OXCT1: variants seen among roughly 807,000 people sequenced by gnomAD.
OXCT1 encodes succinyl-CoA:3-ketoacid coenzyme A transferase 1, mitochondrial.
A neutral mutation model predicts 69.6 loss-of-function variants in OXCT1; 27 were observed. That is an observed-to-expected ratio of 0.39 (90% CI 0.29 to 0.54). The LOEUF (loss-of-function observed/expected upper bound fraction) is 0.54, where lower values mean the gene tolerates loss of function less well. Among genes scored for constraint, OXCT1 ranks in the 20% least tolerant of loss-of-function variants. OXCT1 has a pLI of 0.72. For synonymous variants in OXCT1, 202 were observed against 217.8 expected, an observed-to-expected ratio of 0.93 and a Z score of 0.64; for missense variants, 437 against 650.2, an observed-to-expected ratio of 0.67 and a Z score of 3.57.
At chr5:41,854,621 A>C (rs997209696) in intron 3 of OXCT1, among the ~76,000 whole-genome samples, 1 of 152,262 alleles carries the variant, frequency 6.6e-6, no homozygotes, top group Non-Finnish European at 1.5e-5. Flanking sequence ...TTAATGGTGA[A>C]ATATTTTTAA....
chr5:41,791,810 T>A (rs35252930), intron 13 of OXCT1, among the ~76,000 whole-genome samples: 33,401 of 151,984 alleles, frequency 0.22, 3,803 homozygotes, highest in Middle Eastern at 0.31. Context: ...TTATTTATTT[T>A]TTTTTTTATG....
intron 13 of OXCT1, among the ~76,000 whole-genome samples, chr5:41,778,341 C>T (rs1745225294): frequency 6.6e-6 from 1 of 152,116 alleles, no homozygotes; most frequent in Non-Finnish European, 1.5e-5. Context: ...AAGTTAAAAA[C>T]TCTGCGTTTT....
chr5:41,731,850 A>T, intron 16 of OXCT1, 80 bp from the exon 17 acceptor site: 1 of 1,507,316 alleles, frequency 6.6e-7, no homozygotes. Context: ...CCAAATTTCA[A>T]TCATGTAGGC....
At chr5:41,826,492 G>A (rs565130818) in intron 7 of OXCT1, among the ~76,000 whole-genome samples, 1 of 152,116 alleles carries the variant, frequency 6.6e-6, no homozygotes, top group South Asian at 2.1e-4. Flanking sequence ...AAAACACACT[G>A]GAATGCTCTA....
rs572781691 is a variant in OXCT1 at position 41,736,837 on chromosome 5, T to C, written c.1521+2553A>G. On this transcript the variant is annotated intron_variant, in intron 16 of 16. Coordinates refer to ENST00000196371, the MANE Select transcript of OXCT1 (RefSeq NM_000436.4). ...GAAGGCTGAGTTCTAGGGACTTTTC[T>C]CAAACAGAACTTGAGCAACTAGTGT... Among the ~76,000 whole-genome samples the C allele has an allele frequency of 3.9e-5, 6 of 152,322 alleles. No homozygotes were observed. In the East Asian group the frequency reaches 1.2e-3, roughly 29 times the overall value.
At chr5:41,759,702 C>T (rs1373104919) in intron 14 of OXCT1, among the ~76,000 whole-genome samples, 1 of 152,038 alleles carries the variant, frequency 6.6e-6, no homozygotes, top group Non-Finnish European at 1.5e-5. Flanking sequence ...CACATTTTTA[C>T]AAAGCCAAGC....
chr5:41,732,409 C>T (rs918464019), intron 16 of OXCT1, among the ~76,000 whole-genome samples: 4 of 152,052 alleles, frequency 2.6e-5, no homozygotes, highest in African/African-American at 7.2e-5. Flanking sequence ...TGCTTTCCTG[C>T]GAATCTGCAA....
chr5:41,784,842 A>C (rs1463055307), intron 13 of OXCT1, among the ~76,000 whole-genome samples: 1 of 152,214 alleles, frequency 6.6e-6, no homozygotes, highest in Non-Finnish European at 1.5e-5. Context: ...TTTAAACCTT[A>C]ATCACAGTTT....
At chr5:41,803,533 A>G (rs1472017702) in intron 9 of OXCT1, among the ~76,000 whole-genome samples, 1 of 151,966 alleles carries the variant, frequency 6.6e-6, no homozygotes, top group Admixed American at 6.6e-5. Context: ...ACTATTCAAA[A>G]CTCCTGCCAA....
intron 2 of OXCT1, 76 bp from the exon 3 acceptor site, chr5:41,861,480 T>C: frequency 1.1e-6 from 1 of 894,958 alleles, no homozygotes; most frequent in Non-Finnish European, 1.9e-6. Context: ...TGTTATTCTT[T>C]TTAAAAGGGA....
chr5:41,810,808 C>A (rs960437400), intron 7 of OXCT1, among the ~76,000 whole-genome samples: 1 of 151,876 alleles, frequency 6.6e-6, no homozygotes, highest in African/African-American at 2.4e-5. Flanking sequence ...ATTTTAGTGA[C>A]AACCTCAATC....
chr5:41,823,799 C>T (rs1181009127), intron 7 of OXCT1, among the ~76,000 whole-genome samples: 1 of 152,048 alleles, frequency 6.6e-6, no homozygotes, highest in Non-Finnish European at 1.5e-5. Flanking sequence ...ATACTATCTA[C>T]CTCATTTTCA....
At chr5:41,755,040 A>G (rs1291413622) in intron 14 of OXCT1, among the ~76,000 whole-genome samples, 1 of 151,938 alleles carries the variant, frequency 6.6e-6, no homozygotes, top group Non-Finnish European at 1.5e-5. Context: ...ATGATCTCTA[A>G]CCTCCAGAGG....
At chr5:41,806,534 C>T (rs1440277380) in intron 8 of OXCT1, among the ~76,000 whole-genome samples, 3 of 152,064 alleles carry the variant, frequency 2.0e-5, no homozygotes, top group Non-Finnish European at 4.4e-5. Flanking sequence ...TATGAATTGG[C>T]TTAGTGCCAT....
At chr5:41,803,342 A>T (rs891057553) in intron 9 of OXCT1, among the ~76,000 whole-genome samples, 179 bp from the exon 10 acceptor site, 2 of 152,116 alleles carry the variant, frequency 1.3e-5, no homozygotes, top group Non-Finnish European at 2.9e-5. Flanking sequence ...TCAAAAAAAA[A>T]GTCTCTAATT....
chr5:41,862,724 A>G lies in OXCT1; in HGVS notation c.105T>C (p.Ser35=). ...YKGCVCSFST[S]AHRHTKFYTD... is the part of the protein sequence containing the mutation. ...TATAAAACTTGGTATGGCGATGAGC[A>G]CTGGTGGAAAAGGAACAAACACATC... Residue 35 remains serine (S), a synonymous_variant, in exon 2 of 17, where the codon AGT becomes AGC. Transcript: ENST00000196371. 2 of 1,611,786 alleles carry G rather than the reference A, an allele frequency of 1.2e-6. No homozygotes were observed. The highest frequency in any genetic ancestry group is 1.7e-6 in the Non-Finnish European group (2 of 1,178,072).
At chr5:41,760,814 C>T (rs894123696) in intron 14 of OXCT1, among the ~76,000 whole-genome samples, 6 of 152,074 alleles carry the variant, frequency 3.9e-5, no homozygotes, top group African/African-American at 7.2e-5. Context: ...ATTTATGCAC[C>T]ACTGCTCACC....
At position 41,754,381 on chromosome 5, in the gene OXCT1, A is replaced by T. The variant is rs568079746; in HGVS notation, c.1339-4774T>A. On this transcript the variant is annotated intron_variant, in intron 14 of 16. Coordinates refer to ENST00000196371, the MANE Select transcript of OXCT1 (RefSeq NM_000436.4). ...AATGGGAAATGCTGTATTACAAAAT[A>T]CATGACTGTCACATCACTATAACTG... 4.6e-5 allele frequency among the ~76,000 whole-genome samples: 7 copies of T among 152,214 alleles called. No homozygotes were observed. In the South Asian group the frequency reaches 1.5e-3, roughly 32 times the overall value.
intron 3 of OXCT1, among the ~76,000 whole-genome samples, chr5:41,858,500 A>C (rs1749558375): frequency 6.6e-6 from 1 of 152,208 alleles, no homozygotes; most frequent in Non-Finnish European, 1.5e-5. Context: ...AACATTTTTT[A>C]GCATACTAAA....
Sources: gnomAD v4.1 joint callset for allele counts (sites outside exome capture counted in the v4.1 genomes callset) on GRCh38, gnomAD v4.1.1 for gene constraint, MANE v1.5 for transcripts, NCBI Gene and HGNC (gene_info 2026-07-23, HGNC 2026-07-21) for gene names.